The following CYP4F11 variants were observed in gnomAD, a reference collection of about 807,000 sequenced individuals.
The protein encoded by CYP4F11 is cytochrome P450 family 4 subfamily F member 11.
Under a neutral mutation model 62.2 loss-of-function variants are expected in CYP4F11, and 79 were observed. The ratio of observed to expected loss-of-function variants is 1.27; its 90% CI spans 1.06 to 1.53. CYP4F11 has a LOEUF of 1.53. Ranked by LOEUF, CYP4F11 falls within the 40% of genes most tolerant of loss-of-function variation. CYP4F11 has a pLI of 0.00. For missense variants in CYP4F11, 777 were observed against 680.5 expected, an observed-to-expected ratio of 1.14 and a Z score of -1.58; for synonymous variants, 290 against 263.7, an observed-to-expected ratio of 1.10 and a Z score of -0.97.
rs1293157663 is a variant in CYP4F11 at position 15,913,790 on chromosome 19, A to G, written c.1517T>C (p.Leu506Ser). ...TEPRRKPELI[L>S]RAEGGLWLRV... ...CAGCCAAAGTCCACCCTCTGCGCGC[A>G]ATATCAGCTCGGGTTTCCTGCGGGG... is the stretch of plus-strand genomic sequence containing the variant. Residue 506 changes from leucine to serine, a missense_variant, in exon 12 of 12, where the codon TTG (leucine) becomes TCG (serine). Coordinates refer to ENST00000402119, the MANE Select transcript of CYP4F11 (RefSeq NM_021187.4). 1 of 1,614,184 alleles carries G rather than the reference A, an allele frequency of 6.2e-7. No individual in the cohort carries two copies. Among genetic ancestry groups the G allele is most frequent in the Admixed American group, 1.7e-5 (1 of 60,024 alleles).
At chr19:15,917,669 C>T (rs1370794579) in intron 8 of CYP4F11, among the ~76,000 whole-genome samples, 2 of 151,870 alleles carry the variant, frequency 1.3e-5, no homozygotes, top group Non-Finnish European at 2.9e-5. Context: ...CCCAAGAAGT[C>T]AAAAGGCAAC....
At chr19:15,923,602 G>A (rs2089645879) in intron 6 of CYP4F11, among the ~76,000 whole-genome samples, 1 of 152,186 alleles carries the variant, frequency 6.6e-6, no homozygotes, top group Non-Finnish European at 1.5e-5. Context: ...TGTAAGTAGA[G>A]TAAAATCTCA....
intron 4 of CYP4F11, 122 bp from the exon 5 acceptor site, chr19:15,925,004 C>T (rs1599377231): frequency 2.6e-6 from 3 of 1,168,514 alleles, no homozygotes; most frequent in South Asian, 1.7e-5. Flanking sequence ...AGGTACCCAT[C>T]CCCAGGAAGG....
chr19:15,931,539 A>AGTGAGGAGAGGAATGAGTGAGTGG (rs2089717288), intron 1 of CYP4F11, among the ~76,000 whole-genome samples: 1 of 101,976 alleles, frequency 9.8e-6, no homozygotes, highest in Non-Finnish European at 2.2e-5. Flanking sequence ...GGAATGAGTG[A>AGTGAGGAGAGGAATGAGTGAGTGG]GCGGGGAGAG....
At chr19:15,919,581 G>A (rs2089610384) in intron 8 of CYP4F11, among the ~76,000 whole-genome samples, 1 of 152,006 alleles carries the variant, frequency 6.6e-6, no homozygotes, top group African/African-American at 2.4e-5. Flanking sequence ...ACCCCTTTAG[G>A]GAAAGCGAGG....
Position 15,924,899 on chromosome 19 carries a change from CAG to C in CYP4F11, c.526-19_526-18del, listed in dbSNP as rs1185172485. On this transcript the variant is annotated intron_variant, in intron 4 of 11. Transcript: ENST00000402119. ...CCACTTGTCCTGGCCAGAGAAAAAA[CAG>C]AGCCAAAGCTGGGAACTGCCTCCTG... 3.7e-6 allele frequency: 6 copies of C among 1,603,000 alleles called. No individual in the cohort carries two copies. The African/African-American group carries it at 4.0e-5, about 11-fold the overall frequency.
chr19:15,917,269 G>A (rs1599371023), intron 8 of CYP4F11, among the ~76,000 whole-genome samples: 1 of 152,258 alleles, frequency 6.6e-6, no homozygotes, highest in East Asian at 1.9e-4. Flanking sequence ...TGGGGACTCA[G>A]GGAGGGACGT....
chr19:15,923,744 G>A (rs539592870), intron 6 of CYP4F11, 68 bp downstream of exon 6: 182 of 1,552,636 alleles, frequency 1.2e-4, no homozygotes, highest in Non-Finnish European at 1.5e-4. Flanking sequence ...TCAAGTCCAA[G>A]TTCTTTCATT....
At chr19:15,934,048 AGGAATGAGTGAGTG>A (rs2145064948) in intron 1 of CYP4F11, among the ~76,000 whole-genome samples, 149 bp downstream of exon 1, 4 of 141,052 alleles carry the variant, frequency 2.8e-5, no homozygotes, top group Non-Finnish European at 3.1e-5. Context: ...GAGCGGGGAG[AGGAATGAGTGAGTG>A]GGCAGAGGAA....
intron 8 of CYP4F11, among the ~76,000 whole-genome samples, chr19:15,921,047 T>A (rs200215781): frequency 7.4e-6 from 1 of 134,770 alleles, no homozygotes; most frequent in African/African-American, 3.1e-5. Flanking sequence ...TCTCTCTCTC[T>A]CTTTCTGTCT....
chr19:15,913,897 C>G lies in CYP4F11; in HGVS notation c.1410G>C (p.Gly470=). Residue 470 remains glycine (G), a synonymous_variant, in exon 12 of 12, where the codon GGG becomes GGC. Coordinates refer to ENST00000402119, the MANE Select transcript of CYP4F11 (RefSeq NM_021187.4). ...PFSAGPRNCI[G]QAFAMAEMKV... is the part of the protein sequence containing the mutation. Reference sequence around the variant, plus strand: ...TCATCTCAGCCATGGCGAACGCCTGCCCGATGCAGTTTCTGGGGGCAAAAG... The same window carrying G: ...TCATCTCAGCCATGGCGAACGCCTGGCCGATGCAGTTTCTGGGGGCAAAAG... The G allele has an allele frequency of 1.2e-6, 2 of 1,612,608 alleles. No individual in the cohort carries two copies. Among genetic ancestry groups the G allele is most frequent in the Non-Finnish European group, 1.7e-6 (2 of 1,179,302 alleles).
upstream of CYP4F11, chr19:15,934,844 C>T (rs186862405): frequency 1.3e-3 from 225 of 176,406 alleles, no homozygotes; most frequent in African/African-American, 5.1e-3. Context: ...TCCTCTCCCC[C>T]TCTGCTAGGA....
In CYP4F11 at chr19:15,912,727, G is replaced by GTATATGTATATA; in HGVS notation, c.*1004_*1005insTATATACATATA. 1 of 74,858 alleles carries GTATATGTATATA rather than the reference G, an allele frequency of 1.3e-5. No homozygotes were observed. The highest frequency in any genetic ancestry group is 5.3e-5 in the African/African-American group (1 of 18,734). 4.6% of individuals were successfully genotyped at this position (74,858 alleles called of 1,614,324 possible). A position where few individuals can be genotyped will look rare whatever the true frequency, so the allele number is the denominator to read the frequency against. On this transcript the variant is annotated 3_prime_UTR_variant, in exon 12 of 12. Coordinates refer to ENST00000402119, the MANE Select transcript of CYP4F11 (RefSeq NM_021187.4). Reference sequence around the variant, plus strand: ...TGTGTGTGTGTGTGTGTGTGTGTGTGTGTGTGTATATGTATATATGTGTGT... The same window carrying GTATATGTATATA: ...TGTGTGTGTGTGTGTGTGTGTGTGTGTATATGTATATATGTGTGTATATGTATATATGTGTGT...
chr19:15,921,451 C>G (rs2089628401), intron 8 of CYP4F11, among the ~76,000 whole-genome samples: 1 of 152,192 alleles, frequency 6.6e-6, no homozygotes, highest in Non-Finnish European at 1.5e-5. Context: ...AGTTTCCTGT[C>G]CTGGGACTGT....
In CYP4F11 at chr19:15,913,068, G is replaced by A. The variant is rs2089550425; in HGVS notation, c.*664C>T. ...GGAAAACCCTGATATAGGTAATGCT[G>A]TTGTCTCCATTATATGGTTGAGGGA... is the stretch of plus-strand genomic sequence containing the variant. On this transcript the variant is annotated 3_prime_UTR_variant, in exon 12 of 12. Coordinates refer to ENST00000402119, the MANE Select transcript of CYP4F11 (RefSeq NM_021187.4). 6.5e-6 allele frequency: 1 copy of A among 154,498 alleles called. No homozygotes were observed. Among genetic ancestry groups the A allele is most frequent in the Non-Finnish European group, 1.4e-5 (1 of 69,576 alleles). The allele number at this position is 154,498 out of a possible 1,614,324, so 9.6% of individuals were successfully genotyped here. A position where few individuals can be genotyped will look rare whatever the true frequency, so the allele number is the denominator to read the frequency against.
chr19:15,921,054 G>GTCTCTCTCTCTCTCTCTCTCTCTCTCTC (rs60842401), intron 8 of CYP4F11, among the ~76,000 whole-genome samples: 5 of 122,390 alleles, frequency 4.1e-5, no homozygotes, highest in African/African-American at 6.4e-5. Context: ...CTCTCTTTCT[G>GTCTCTCTCTCTCTCTCTCTCTCTCTCTC]TCTCTCTCTC....
At position 15,913,756 on chromosome 19, in the gene CYP4F11, C is replaced by T. The variant is rs779135382; in HGVS notation, c.1551G>A (p.Glu517=). Residue 517 remains glutamate (E), a synonymous_variant, in exon 12 of 12, where the codon GAG becomes GAA. Transcript: ENST00000402119. ...RAEGGLWLRV[E]PLGANSQ is the part of the protein sequence containing the mutation. ...GTCACTGTGAGTTCGCACCCAGGGG[C>T]TCCACCCGCAGCCAAAGTCCACCCT... The T allele has an allele frequency of 6.2e-7, 1 of 1,614,168 alleles. No individual in the cohort carries two copies. The highest frequency in any genetic ancestry group is 8.5e-7 in the Non-Finnish European group (1 of 1,180,020).
chr19:15,934,194 C>A lies in CYP4F11; in HGVS notation c.198+17G>T, dbSNP rs759075275. The A allele has an allele frequency of 2.6e-5, 42 of 1,613,066 alleles. No individual in the cohort carries two copies. In the East Asian group the frequency reaches 8.2e-4, roughly 32 times the overall value. ...ATGCATCCTGAGACCCCAGACCCGTCCTGCTGACAAACTCACCAGGCCCTG... is the reference window on the plus strand; with the variant it reads ...ATGCATCCTGAGACCCCAGACCCGTACTGCTGACAAACTCACCAGGCCCTG... On this transcript the variant is annotated intron_variant, in intron 1 of 11. Transcript: ENST00000402119.
intron 7 of CYP4F11, 64 bp downstream of exon 7, chr19:15,922,300 C>A (rs1421833425): frequency 6.2e-7 from 1 of 1,607,848 alleles, no homozygotes; most frequent in Non-Finnish European, 8.5e-7. Flanking sequence ...CCAGGGTCCA[C>A]CCACTACGTT....
Sources: gnomAD v4.1 joint callset for allele counts (sites outside exome capture counted in the v4.1 genomes callset) on GRCh38, gnomAD v4.1.1 for gene constraint, MANE v1.5 for transcripts, NCBI Gene and HGNC (gene_info 2026-07-23, HGNC 2026-07-21) for gene names.